Variants in MRPS9 observed in about 807,000 individuals in gnomAD.
The protein encoded by MRPS9 is mitochondrial ribosomal protein S9.
In MRPS9, 45 loss-of-function variants were observed where a neutral mutation model predicts 59.9. That is an observed-to-expected ratio of 0.75 (90% confidence interval 0.59 to 0.96). The LOEUF is 0.96. Ranked by LOEUF, MRPS9 falls within the 40% of genes least tolerant of loss-of-function variation. The probability of loss-of-function intolerance (pLI) is 0.00; values close to 1 mark genes in which losing one functional copy is unlikely to be tolerated. For missense variants in MRPS9, 473 were observed against 481.1 expected (o/e 0.98, Z 0.16); for synonymous variants, 171 against 166.8 (o/e 1.03, Z -0.19).
At chr2:105,088,598 C>CT (rs1211595114) in intron 5 of MRPS9, among the ~76,000 whole-genome samples, 1 of 151,984 alleles carries the variant, frequency 6.6e-6, no homozygotes, top group Non-Finnish European at 1.5e-5. Flanking sequence ...GGATAATTCT[C>CT]TAAGTTTAAA....
intron 1 of MRPS9, among the ~76,000 whole-genome samples, chr2:105,046,041 T>C (rs962536975): frequency 6.6e-6 from 1 of 151,966 alleles, no homozygotes; most frequent in African/African-American, 2.4e-5. Context: ...ATTTTTGTAA[T>C]TTTTAGTAGA....
intron 10 of MRPS9, chr2:105,098,696 AT>A (rs1680724128): frequency 6.6e-6 from 1 of 152,236 alleles, no homozygotes. Context: ...TGTAAATGTT[AT>A]GGGTATATCA....
chr2:105,063,382 G>A (rs1679941658), intron 2 of MRPS9, among the ~76,000 whole-genome samples: 1 of 152,208 alleles, frequency 6.6e-6, no homozygotes, highest in African/African-American at 2.4e-5. Flanking sequence ...TAACATGTAT[G>A]TTGCATGGAT....
chr2:105,095,686 G>A (rs1005063401), intron 9 of MRPS9, among the ~76,000 whole-genome samples: 3 of 151,220 alleles, frequency 2.0e-5, no homozygotes, highest in Non-Finnish European at 4.4e-5. Context: ...TAGTAGAGAC[G>A]GCGTTTCTCC....
At chr2:105,072,355 A>G (rs1247484386) in intron 4 of MRPS9, among the ~76,000 whole-genome samples, 1 of 151,970 alleles carries the variant, frequency 6.6e-6, no homozygotes, top group Non-Finnish European at 1.5e-5. Context: ...CTGAGTGCAG[A>G]ATATTTTTGT....
intron 5 of MRPS9, among the ~76,000 whole-genome samples, chr2:105,087,800 TTTCCTTCCTTCC>T (rs59753300): frequency 0.015 from 2,046 of 138,694 alleles, 53 homozygotes; most frequent in African/African-American, 0.052. Context: ...TCCTGCCTTT[TTTCCTTCCTTCC>T]TTCCTTCCTT....
chr2:105,090,870 C>A (rs1393950096), intron 7 of MRPS9, among the ~76,000 whole-genome samples: 1 of 152,132 alleles, frequency 6.6e-6, no homozygotes, highest in Non-Finnish European at 1.5e-5. Context: ...TTCTTTTTCT[C>A]ATTTAATGTA....
rs145397801 is a variant in MRPS9, at chr2:105,065,420, T to C, written c.316-5893T>C. Among the ~76,000 whole-genome samples, 459 of 152,322 alleles carry C rather than the reference T, an allele frequency of 3.0e-3. 1 individual carries two copies. Among genetic ancestry groups the C allele is most frequent in the Non-Finnish European group, 5.8e-3 (393 of 68,012 alleles). On this transcript the variant is annotated intron_variant, in intron 2 of 10. Coordinates refer to ENST00000258455, the MANE Select transcript of MRPS9 (RefSeq NM_182640.3). Reference sequence around the variant, plus strand: ...AATGGAGCTCATGAATGCATGCTATTTTATGTGAAATAATGTGCTTTACAA... The same window carrying C: ...AATGGAGCTCATGAATGCATGCTATCTTATGTGAAATAATGTGCTTTACAA...
At position 105,071,498 on chromosome 2, in the gene MRPS9, G is replaced by T. The variant is rs1680111982; in HGVS notation, c.409+9G>T. 1 of 1,602,356 alleles carries T rather than the reference G, an allele frequency of 6.2e-7. No individual in the cohort carries two copies. Among genetic ancestry groups the T allele is most frequent in the Non-Finnish European group, 8.5e-7 (1 of 1,172,998 alleles). The stretch of plus-strand genomic sequence containing the variant: ...TTTTCCAAGACAAAGAGGTAAGTTT[G>T]TTCAAGAATGAGAGAAACAGTTTTT... On this transcript the variant is annotated intron_variant, in intron 4 of 10. Coordinates refer to ENST00000258455, the MANE Select transcript of MRPS9 (RefSeq NM_182640.3).
intron 4 of MRPS9, among the ~76,000 whole-genome samples, chr2:105,073,054 A>G (rs1457870667): frequency 1.3e-5 from 2 of 152,174 alleles, no homozygotes; most frequent in Non-Finnish European, 2.9e-5. Flanking sequence ...ACTTACATTA[A>G]ACACCTAGTA....
intron 7 of MRPS9, chr2:105,091,200 G>A (rs144814274): frequency 1.8e-4 from 80 of 447,174 alleles, no homozygotes; most frequent in African/African-American, 1.5e-3. Flanking sequence ...TGGGGTACTG[G>A]ATATCAGAAG....
intron 2 of MRPS9, among the ~76,000 whole-genome samples, chr2:105,063,792 G>A (rs972174586): frequency 6.6e-6 from 1 of 152,086 alleles, no homozygotes; most frequent in African/African-American, 2.4e-5. Flanking sequence ...TCTTATAGTT[G>A]GTTCTCTCAA....
chr2:105,049,630 C>T (rs1679673017), intron 2 of MRPS9, among the ~76,000 whole-genome samples: 1 of 152,140 alleles, frequency 6.6e-6, no homozygotes, highest in Admixed American at 6.6e-5. Context: ...ACTCAGCTTT[C>T]TTACAAAATG....
intron 5 of MRPS9, among the ~76,000 whole-genome samples, chr2:105,088,427 G>T (rs1311288517): frequency 3.3e-5 from 5 of 151,948 alleles, no homozygotes; most frequent in African/African-American, 1.2e-4. Flanking sequence ...CACAGATTTT[G>T]TTAGGAAGTA....
In MRPS9 at chr2:105,094,920, C is replaced by A. The variant is rs80148717; in HGVS notation, c.929+1282C>A. Among the ~76,000 whole-genome samples the A allele has an allele frequency of 3.1e-3, 475 of 152,288 alleles. 2 individuals carry two copies. Among genetic ancestry groups the A allele is most frequent in the African/African-American group, 0.011 (449 of 41,566 alleles). ...TGAAATTACATCTTTAGATCTTATT[C>A]TTTGGTTTGAATTCAGCAGCTTTTT... is the stretch of plus-strand genomic sequence containing the variant. On this transcript the variant is annotated intron_variant, in intron 9 of 10. Transcript: ENST00000258455.
rs373885920 is a variant in MRPS9, at chr2:105,097,346, G to T, written c.1099+22G>T. ...CAAGGTATGAGTCTAGGTGGGACGG[G>T]CATGGTGGCCCAATACTGGCTATAC... On this transcript the variant is annotated intron_variant, in intron 10 of 10. Coordinates refer to ENST00000258455, the MANE Select transcript of MRPS9 (RefSeq NM_182640.3). The T allele has an allele frequency of 4.5e-6, 7 of 1,558,036 alleles. No individual in the cohort carries two copies. In the Middle Eastern group the frequency reaches 5.2e-4, roughly 115 times the overall value.
chr2:105,047,444 T>C (rs1488968632), intron 1 of MRPS9, among the ~76,000 whole-genome samples: 1 of 152,016 alleles, frequency 6.6e-6, no homozygotes, highest in Non-Finnish European at 1.5e-5. Context: ...AGTGACAAAT[T>C]ACTGTAGAGG....
intron 4 of MRPS9, among the ~76,000 whole-genome samples, chr2:105,076,290 G>T (rs895679992): frequency 2.6e-5 from 4 of 151,754 alleles, no homozygotes; most frequent in Non-Finnish European, 4.4e-5. Flanking sequence ...CATCCTGTCA[G>T]TTGATGACTC....
intron 2 of MRPS9, among the ~76,000 whole-genome samples, chr2:105,064,872 G>C (rs1241551809): frequency 1.3e-5 from 2 of 152,228 alleles, no homozygotes; most frequent in African/African-American, 2.4e-5. Flanking sequence ...GAAATGACTG[G>C]TAAAAAGAGA....
Sources: gnomAD v4.1 joint callset for allele counts (sites outside exome capture counted in the v4.1 genomes callset) on GRCh38, gnomAD v4.1.1 for gene constraint, MANE v1.5 for transcripts, NCBI Gene and HGNC (gene_info 2026-07-23, HGNC 2026-07-21) for gene names.